The following SESTD1 variants were observed in gnomAD, a reference collection of about 807,000 sequenced individuals.
SESTD1 encodes SEC14 domain and spectrin repeat-containing protein 1.
SESTD1 carries 43 observed loss-of-function variants against 101.7 expected under a neutral mutation model. That is an observed-to-expected ratio of 0.42 (90% CI 0.33 to 0.55). The LOEUF (loss-of-function observed/expected upper bound fraction) is 0.55, where lower values mean the gene tolerates loss of function less well. Among genes scored for constraint, SESTD1 ranks in the 20% least tolerant of loss-of-function variants. The pLI is 0.07. For missense variants in SESTD1, 647 were observed against 815.1 expected, an observed-to-expected ratio of 0.79 and a Z score of 2.51; for synonymous variants, 283 against 286.8, an observed-to-expected ratio of 0.99 and a Z score of 0.13.
chr2:179,217,307 A>G (rs543632018), intron 1 of SESTD1, among the ~76,000 whole-genome samples: 11 of 152,338 alleles, frequency 7.2e-5, no homozygotes, highest in African/African-American at 2.6e-4. Context: ...ACCCCATCAA[A>G]AAGTGGGCAA....
rs144079195 is a variant in SESTD1, at chr2:179,179,071, T to C, written c.165-2533A>G. On this transcript the variant is annotated intron_variant, in intron 3 of 17. Coordinates refer to ENST00000428443, the MANE Select transcript of SESTD1 (RefSeq NM_178123.5). ...AATACACAGAATCCAAAGATAACTA[T>C]TTCAAAATTGCCAGACCAAGTGGTC... Among the ~76,000 whole-genome samples the C allele has an allele frequency of 5.3e-5, 8 of 152,286 alleles. No homozygotes were observed. The East Asian group carries it at 1.3e-3, about 26-fold the overall frequency.
At chr2:179,222,640 C>T (rs12693179) in intron 1 of SESTD1, among the ~76,000 whole-genome samples, 44,340 of 152,032 alleles carry the variant, frequency 0.29, 6,829 homozygotes, top group South Asian at 0.43. Context: ...CTATTAATAA[C>T]CCAATGTTCT....
intron 2 of SESTD1, among the ~76,000 whole-genome samples, chr2:179,185,648 C>T (rs1460709394): frequency 1.6e-4 from 12 of 75,606 alleles, no homozygotes; most frequent in East Asian, 6.3e-4. Context: ...ATATTATATA[C>T]AATATAGCAT....
At chr2:179,229,769 A>AC (rs2046952059) in intron 1 of SESTD1, among the ~76,000 whole-genome samples, 1 of 125,040 alleles carries the variant, frequency 8.0e-6, no homozygotes, top group African/African-American at 3.2e-5. Context: ...ATATATATAT[A>AC]TATATACTCA....
chr2:179,123,991 A>T (rs754757274), intron 11 of SESTD1, among the ~76,000 whole-genome samples, 162 bp from the exon 12 acceptor site: 8 of 152,236 alleles, frequency 5.3e-5, no homozygotes, highest in Non-Finnish European at 1.2e-4. Context: ...ATTATCTGGA[A>T]GACAGAACAC....
At chr2:179,200,639 T>G (rs962667256) in intron 1 of SESTD1, among the ~76,000 whole-genome samples, 1 of 151,452 alleles carries the variant, frequency 6.6e-6, no homozygotes, top group Admixed American at 6.6e-5. Context: ...CTATCTGATC[T>G]TTGACAAACC....
At chr2:179,139,225 T>C (rs1398889450) in intron 9 of SESTD1, among the ~76,000 whole-genome samples, 1 of 152,162 alleles carries the variant, frequency 6.6e-6, no homozygotes, top group Non-Finnish European at 1.5e-5. Flanking sequence ...CTCCACTCTA[T>C]TCAAACCACT....
At chr2:179,254,438 T>C (rs1029996307) in intron 1 of SESTD1, among the ~76,000 whole-genome samples, 8 of 152,166 alleles carry the variant, frequency 5.3e-5, no homozygotes, top group South Asian at 2.1e-4. Context: ...AATCCACATC[T>C]CTCCCTGCAA....
chr2:179,145,149 C>A (rs1326982864), intron 8 of SESTD1, among the ~76,000 whole-genome samples: 1 of 151,944 alleles, frequency 6.6e-6, no homozygotes, highest in African/African-American at 2.4e-5. Flanking sequence ...TGTGCAAAGT[C>A]TTTTTATATA....
In SESTD1 at chr2:179,183,072, A is replaced by G. The variant is rs537683164; in HGVS notation, c.164+8T>C. On this transcript the variant is annotated splice_region_variant and intron_variant, in intron 3 of 17. Coordinates refer to ENST00000428443, the MANE Select transcript of SESTD1 (RefSeq NM_178123.5). ...CTGAGATTTAAGAAAAGACACCTTT[A>G]GAGTCACCTTGGAATGCTGAGTAGG... 25 of 1,573,742 alleles carry G rather than the reference A, an allele frequency of 1.6e-5. No homozygotes were observed. In the East Asian group the frequency reaches 5.5e-4, roughly 35 times the overall value.
chr2:179,154,298 A>G (rs1263812606), intron 5 of SESTD1, among the ~76,000 whole-genome samples: 1 of 133,074 alleles, frequency 7.5e-6, no homozygotes, highest in Non-Finnish European at 1.6e-5. Context: ...AGGAAGGAAG[A>G]GAGGGAGGGA....
intron 1 of SESTD1, among the ~76,000 whole-genome samples, chr2:179,258,682 T>TGCATGCATGCACACACACAC (rs1437129721): frequency 1.3e-5 from 2 of 152,122 alleles, no homozygotes; most frequent in African/African-American, 4.8e-5. Context: ...CACACGCACG[T>TGCATGCATGCACACACACAC]GCATGCATGC....
At chr2:179,222,688 C>T (rs1376857929) in intron 1 of SESTD1, among the ~76,000 whole-genome samples, 6 of 151,994 alleles carry the variant, frequency 3.9e-5, no homozygotes, top group Admixed American at 3.9e-4. Context: ...GTAATCTGCT[C>T]AAAATAATAT....
intron 5 of SESTD1, among the ~76,000 whole-genome samples, chr2:179,166,220 G>T (rs1165471239): frequency 1.3e-5 from 2 of 152,132 alleles, no homozygotes; most frequent in Non-Finnish European, 2.9e-5. Flanking sequence ...AAAGATCTCT[G>T]CAGGAGTCAT....
At chr2:179,232,900 A>T (rs1382215636) in intron 1 of SESTD1, among the ~76,000 whole-genome samples, 1 of 152,204 alleles carries the variant, frequency 6.6e-6, no homozygotes, top group Non-Finnish European at 1.5e-5. Flanking sequence ...GCAGAGGATA[A>T]GGGATGGAGA....
intron 1 of SESTD1, among the ~76,000 whole-genome samples, chr2:179,241,590 C>T (rs1183288512): frequency 4.0e-5 from 6 of 151,066 alleles, no homozygotes; most frequent in Non-Finnish European, 5.9e-5. Context: ...GCCAGTTCAA[C>T]ACCAGTCTTG....
In SESTD1 at chr2:179,104,926, C is replaced by T. The variant is rs1214019348; in HGVS notation, c.*4973G>A. 6.6e-6 allele frequency: 1 copy of T among 152,056 alleles called. No individual in the cohort carries two copies. The highest frequency in any genetic ancestry group is 1.5e-5 in the Non-Finnish European group (1 of 68,010). 9.4% of individuals were successfully genotyped at this position (152,056 alleles called of 1,614,324 possible). On this transcript the variant is annotated 3_prime_UTR_variant, in exon 18 of 18. Coordinates refer to ENST00000428443, the MANE Select transcript of SESTD1 (RefSeq NM_178123.5). ...TGAAGTAGAGGGACTAGTGTTTATT[C>T]TCAAGCTTTCATGTTTGCTTTAAAA...
At chr2:179,132,818 C>G (rs993921743) in intron 9 of SESTD1, among the ~76,000 whole-genome samples, 1 of 152,132 alleles carries the variant, frequency 6.6e-6, no homozygotes, top group Non-Finnish European at 1.5e-5. Context: ...TTTAAGAAAA[C>G]TGAGTTTCAA....
At chr2:179,200,181 A>G (rs1272975203) in intron 1 of SESTD1, among the ~76,000 whole-genome samples, 20 of 151,460 alleles carry the variant, frequency 1.3e-4, no homozygotes, top group Admixed American at 1.2e-3. Context: ...ATTGCTTCAA[A>G]GAGAATAAAA....
Sources: gnomAD v4.1 joint callset for allele counts (sites outside exome capture counted in the v4.1 genomes callset) on GRCh38, gnomAD v4.1.1 for gene constraint, MANE v1.5 for transcripts, NCBI Gene and HGNC (gene_info 2026-07-23, HGNC 2026-07-21) for gene names.